CUX2: variants seen among roughly 807,000 people sequenced by gnomAD.
CUX2 encodes the protein homeobox protein cut-like 2.
Under a neutral mutation model 144.8 loss-of-function variants are expected in CUX2, and 40 were observed. That is an observed-to-expected ratio of 0.28 (90% CI 0.21 to 0.36). The LOEUF is 0.36. Among genes scored for constraint, CUX2 ranks in the 10% least tolerant of loss-of-function variants. The pLI is 1.00. For synonymous variants in CUX2, 827 were observed against 875.6 expected (o/e 0.94, Z 0.98); for missense variants, 1,615 against 1,994.0 (o/e 0.81, Z 3.62).
At chr12:111,117,509 A>G (rs1388385328) in intron 1 of CUX2, among the ~76,000 whole-genome samples, 3 of 152,258 alleles carry the variant, frequency 2.0e-5, no homozygotes, top group African/African-American at 7.2e-5. Context: ...CAAGAAGCCA[A>G]TAAACACAAT....
intron 3 of CUX2, among the ~76,000 whole-genome samples, chr12:111,222,963 C>T (rs1188781368): frequency 6.6e-6 from 1 of 152,182 alleles, no homozygotes; most frequent in Non-Finnish European, 1.5e-5. Context: ...AGGCAGGGTT[C>T]CAGATGCTGG....
chr12:111,125,205 A>C (rs1874978187), intron 1 of CUX2, among the ~76,000 whole-genome samples: 1 of 148,028 alleles, frequency 6.8e-6, no homozygotes, highest in Admixed American at 6.7e-5. Flanking sequence ...TTTGAGACAG[A>C]GTGTCCCTCT....
chr12:111,185,599 T>G (rs1348695544), intron 1 of CUX2, among the ~76,000 whole-genome samples: 1 of 151,994 alleles, frequency 6.6e-6, no homozygotes, highest in Non-Finnish European at 1.5e-5. Flanking sequence ...TTCGTGGGGG[T>G]GTCCAGCACT....
intron 3 of CUX2, among the ~76,000 whole-genome samples, chr12:111,262,377 ATCT>A (rs535108249): frequency 0.011 from 1,268 of 117,542 alleles, 18 homozygotes; most frequent in African/African-American, 0.037. Context: ...TTTGTAATGG[ATCT>A]TTTTTTTTTT....
chr12:111,342,290 C>A (rs1219813479), intron 21 of CUX2, among the ~76,000 whole-genome samples: 1 of 151,812 alleles, frequency 6.6e-6, no homozygotes, highest in Non-Finnish European at 1.5e-5. Flanking sequence ...CCAGCCCTGG[C>A]AACATAGGGA....
chr12:111,252,238 T>C (rs1883595837), intron 3 of CUX2, among the ~76,000 whole-genome samples: 1 of 152,134 alleles, frequency 6.6e-6, no homozygotes, highest in African/African-American at 2.4e-5. Flanking sequence ...GAATCTAGAA[T>C]CAATGCACAA....
At position 111,312,956 on chromosome 12, in the gene CUX2, C is replaced by G. The variant is rs569115891; in HGVS notation, c.2002+755C>G. ...TGCACCCGCTTCCCTCCACCCCCAC[C>G]ACAGTGACCTGTTTGCTTGGTGTAG... On this transcript the variant is annotated intron_variant, in intron 16 of 21. Transcript: ENST00000261726. This position sits in a 1 kb window ranked among gnomAD's most constrained non-coding sequence, Gnocchi z 4.3. 6.6e-6 allele frequency among the ~76,000 whole-genome samples: 1 copy of G among 152,326 alleles called. No homozygotes were observed. Among genetic ancestry groups the G allele is most frequent in the Non-Finnish European group, 1.5e-5 (1 of 68,036 alleles).
intron 1 of CUX2, among the ~76,000 whole-genome samples, chr12:111,205,960 G>T (rs1417224992): frequency 6.6e-6 from 1 of 152,200 alleles, no homozygotes; most frequent in Non-Finnish European, 1.5e-5. Flanking sequence ...TTCTCATGGA[G>T]CTTTCATTTT....
At chr12:111,330,599 C>T (rs971686988) in intron 18 of CUX2, among the ~76,000 whole-genome samples, 3 of 148,618 alleles carry the variant, frequency 2.0e-5, no homozygotes, top group Non-Finnish European at 3.0e-5. Context: ...TTTGGGAGGC[C>T]GAGGCAGGAG....
chr12:111,188,214 A>G (rs990203508), intron 1 of CUX2, among the ~76,000 whole-genome samples: 1 of 152,228 alleles, frequency 6.6e-6, no homozygotes, highest in Admixed American at 6.5e-5. Flanking sequence ...TTCTACGTCA[A>G]TAGACAGGTT....
intron 3 of CUX2, among the ~76,000 whole-genome samples, chr12:111,245,628 A>G (rs75259587): frequency 2.6e-5 from 4 of 152,158 alleles, no homozygotes; most frequent in African/African-American, 9.7e-5. Context: ...TCAAAGAAAA[A>G]TGATGCTGCT....
chr12:111,041,283 T>C (rs1481995862), intron 1 of CUX2, among the ~76,000 whole-genome samples: 1 of 152,240 alleles, frequency 6.6e-6, no homozygotes, highest in Non-Finnish European at 1.5e-5. Flanking sequence ...GTTGCTGCCC[T>C]GTGAATCTGA....
chr12:111,103,255 C>T (rs975940207), intron 1 of CUX2, among the ~76,000 whole-genome samples: 4 of 152,122 alleles, frequency 2.6e-5, no homozygotes, highest in African/African-American at 4.8e-5. Context: ...TGATTGGGTT[C>T]GGGAACGACC....
At chr12:111,049,518 G>C (rs1307291018) in intron 1 of CUX2, among the ~76,000 whole-genome samples, 1 of 152,250 alleles carries the variant, frequency 6.6e-6, no homozygotes, top group East Asian at 1.9e-4. Flanking sequence ...ATCAGAGGCT[G>C]TACACAGAGC....
At chr12:111,261,485 G>A (rs1884126554) in intron 3 of CUX2, among the ~76,000 whole-genome samples, 1 of 151,302 alleles carries the variant, frequency 6.6e-6, no homozygotes, top group African/African-American at 2.4e-5. Context: ...GTAAAGATAG[G>A]GTCTCATTCT....
At chr12:111,084,489 G>T (rs1481640381) in intron 1 of CUX2, among the ~76,000 whole-genome samples, 1 of 151,268 alleles carries the variant, frequency 6.6e-6, no homozygotes, top group Non-Finnish European at 1.5e-5. Context: ...AATTTAAACA[G>T]AATCTTTTTT....
chr12:111,235,714 C>G (rs1413710193), intron 3 of CUX2, among the ~76,000 whole-genome samples: 4 of 151,364 alleles, frequency 2.6e-5, no homozygotes, highest in African/African-American at 9.7e-5. Flanking sequence ...GAGTAAGACT[C>G]CATCTCAAAA....
At chr12:111,181,280 C>A (rs1879159323) in intron 1 of CUX2, among the ~76,000 whole-genome samples, 1 of 152,342 alleles carries the variant, frequency 6.6e-6, no homozygotes, top group African/African-American at 2.4e-5. Context: ...TTCCGCTGGG[C>A]AGGAGGCCCC....
chr12:111,177,306 C>A (rs1878915974), intron 1 of CUX2, among the ~76,000 whole-genome samples: 1 of 152,098 alleles, frequency 6.6e-6, no homozygotes, highest in Admixed American at 6.5e-5. Context: ...CCCACTTTTC[C>A]CCCCTGCAGC....
Sources: gnomAD v4.1 joint callset for allele counts (sites outside exome capture counted in the v4.1 genomes callset) on GRCh38, gnomAD v4.1.1 for gene constraint, Gnocchi (gnomAD v3.1) non-coding constraint, MANE v1.5 for transcripts, NCBI Gene and HGNC (gene_info 2026-07-23, HGNC 2026-07-21) for gene names.